Variants in GLP2R observed in about 807,000 individuals in gnomAD.
GLP2R encodes the protein glucagon like peptide 2 receptor.
In GLP2R, 59 loss-of-function variants were observed where a neutral mutation model predicts 68.2. The ratio of observed to expected loss-of-function variants is 0.87; its 90% confidence interval spans 0.70 to 1.07. The LOEUF (loss-of-function observed/expected upper bound fraction) is 1.07. Ranked by LOEUF, GLP2R falls within the 50% of genes least tolerant of loss-of-function variation. GLP2R has a pLI of 0.00. For synonymous variants in GLP2R, 270 were observed against 265.4 expected, an observed-to-expected ratio of 1.02 and a Z score of -0.17; for missense variants, 548 against 677.4, an observed-to-expected ratio of 0.81 and a Z score of 2.12.
At chr17:9,861,302 T>A in intron 8 of GLP2R, 103 bp downstream of exon 8, 1 of 800,390 alleles carries the variant, frequency 1.2e-6, no homozygotes, top group Non-Finnish European at 2.2e-6. Flanking sequence ...ATCTATCCCT[T>A]CTCATTTTGG....
chr17:9,871,010 A>G (rs1597397411), intron 10 of GLP2R, among the ~76,000 whole-genome samples, 175 bp downstream of exon 10: 1 of 152,158 alleles, frequency 6.6e-6, no homozygotes, highest in Admixed American at 6.5e-5. Context: ...AGGACCTTCT[A>G]TGACGATGAA....
At chr17:9,840,781 G>T (rs925583105) in intron 3 of GLP2R, among the ~76,000 whole-genome samples, 2 of 152,156 alleles carry the variant, frequency 1.3e-5, no homozygotes, top group African/African-American at 4.8e-5. Flanking sequence ...GGTTTTAGAG[G>T]GAGGGTGTTC....
intron 10 of GLP2R, among the ~76,000 whole-genome samples, chr17:9,873,972 C>A (rs532038446): frequency 3.7e-4 from 57 of 152,264 alleles, no homozygotes; most frequent in African/African-American, 1.3e-3. Flanking sequence ...TCTGATCACA[C>A]ATCTCTGTCA....
intron 3 of GLP2R, among the ~76,000 whole-genome samples, chr17:9,837,099 CCCGCCT>C (rs2066739229): frequency 6.6e-6 from 1 of 152,100 alleles, no homozygotes; most frequent in Non-Finnish European, 1.5e-5. Context: ...AGGTGATCCA[CCCGCCT>C]CCGCCTCCCA....
intron 10 of GLP2R, among the ~76,000 whole-genome samples, chr17:9,877,364 A>G (rs534266937): frequency 5.1e-4 from 77 of 152,324 alleles, no homozygotes; most frequent in Non-Finnish European, 1.6e-4. Flanking sequence ...AATAAGGTGA[A>G]GGGTAGACAA....
In GLP2R at chr17:9,862,026, G is replaced by GGACAACAAAT. The variant is rs752485448; in HGVS notation, c.994_1003dup (p.Gly335AspfsTer6). ...GCTTCTACTGTTGACCTTAGGTGCT[G>GGACAACAAAT]GACAACAAATGGGAATAAGAAAATC... On this transcript the variant is annotated frameshift_variant, in exon 9 of 13. Transcript: ENST00000262441. LOFTEE classifies it high-confidence loss of function. The GGACAACAAAT allele has an allele frequency of 6.2e-7, 1 of 1,612,086 alleles. No homozygotes were observed. The highest frequency in any genetic ancestry group is 8.5e-7 in the Non-Finnish European group (1 of 1,178,270).
At chr17:9,884,750 A>AT (rs1045878548) in intron 11 of GLP2R, among the ~76,000 whole-genome samples, 2 of 152,082 alleles carry the variant, frequency 1.3e-5, no homozygotes, top group South Asian at 2.1e-4. Flanking sequence ...TCCATAAGCA[A>AT]TTTTTTTCCC....
intron 3 of GLP2R, among the ~76,000 whole-genome samples, chr17:9,839,498 C>T (rs1252367983): frequency 1.3e-5 from 2 of 152,096 alleles, no homozygotes; most frequent in East Asian, 3.9e-4. Context: ...CAGTGGGTAG[C>T]CAGGTCTTCC....
In GLP2R at chr17:9,880,440, T is replaced by G; in HGVS notation, c.1208T>G (p.Phe403Cys). 6.3e-7 allele frequency: 1 copy of G among 1,599,096 alleles called. No homozygotes were observed. The highest frequency in any genetic ancestry group is 8.6e-7 in the Non-Finnish European group (1 of 1,167,932). ...GGCGTTCATGAGATCCTCTTCTCTT[T>G]CATCACTGATGATCAAGTTGAAGGA... ...LLGVHEILFS[F>C]ITDDQVEGFA... is the part of the protein sequence containing the mutation. The change falls in exon 11 of 13, where the codon TTC becomes TGC. Residue 403 changes from phenylalanine (F) to cysteine (C), a missense_variant. Coordinates refer to ENST00000262441, the MANE Select transcript of GLP2R (RefSeq NM_004246.3).
chr17:9,871,721 C>CTTT lies in GLP2R; in HGVS notation c.1145+906_1145+908dup, dbSNP rs372099240. On this transcript the variant is annotated intron_variant, in intron 10 of 12. Transcript: ENST00000262441. ...TTCCTAGTTATTCTTTACTTTCTTT[C>CTTT]TTTTTTTTTTTTTTTTTTTTTTGAC... Among the ~76,000 whole-genome samples, 68 of 102,298 alleles carry CTTT rather than the reference C, an allele frequency of 6.6e-4. 1 individual carries two copies. The highest frequency in any genetic ancestry group is 9.7e-4 in the Non-Finnish European group (52 of 53,770). The allele number at this position is 102,298 out of a possible 152,430, so 67.1% of individuals were successfully genotyped here.
rs1183942531 is a variant in GLP2R at position 9,828,388 on chromosome 17, T to C, written c.189+2136T>C. Among the ~76,000 whole-genome samples the C allele has an allele frequency of 5.9e-5, 9 of 152,240 alleles. 1 individual carries two copies. The highest frequency in any genetic ancestry group is 5.9e-4 in the Admixed American group (9 of 15,284). On this transcript the variant is annotated intron_variant, in intron 1 of 12. Transcript: ENST00000262441. The stretch of plus-strand genomic sequence containing the variant: ...GTTGGTTCAGAACATTCATCCTTGC[T>C]TCCATTCTCTGGATATCTCATATCA...
intron 4 of GLP2R, among the ~76,000 whole-genome samples, chr17:9,843,684 T>C (rs1282622899): frequency 6.6e-6 from 1 of 152,262 alleles, no homozygotes; most frequent in Admixed American, 6.5e-5. Context: ...GAGGACCTCC[T>C]GTTTGTCCAA....
At chr17:9,886,116 T>G (rs1169254338) in intron 11 of GLP2R, among the ~76,000 whole-genome samples, 1 of 152,192 alleles carries the variant, frequency 6.6e-6, no homozygotes, top group East Asian at 1.9e-4. Flanking sequence ...GGAACTACAC[T>G]TGGTGGATCA....
intron 11 of GLP2R, among the ~76,000 whole-genome samples, chr17:9,882,112 G>A (rs926584688): frequency 6.6e-6 from 1 of 151,928 alleles, no homozygotes; most frequent in African/African-American, 2.4e-5. Context: ...AACAGTGGGA[G>A]TCTATGTTAC....
intron 9 of GLP2R, 114 bp from the exon 10 acceptor site, chr17:9,870,633 G>A: frequency 1.4e-6 from 1 of 699,678 alleles, no homozygotes; most frequent in Non-Finnish European, 2.6e-6. Context: ...CTGCTGAATT[G>A]CCCCTGGTTT....
At chr17:9,841,417 G>A (rs151180979) in intron 3 of GLP2R, among the ~76,000 whole-genome samples, 9 of 152,082 alleles carry the variant, frequency 5.9e-5, no homozygotes, top group African/African-American at 9.7e-5. Context: ...CCCATCTCCC[G>A]GTGGGAGGTG....
At chr17:9,835,056 G>T in intron 2 of GLP2R, among the ~76,000 whole-genome samples, 1 of 123,558 alleles carries the variant, frequency 8.1e-6, no homozygotes, top group East Asian at 2.9e-4. Context: ...TTGAGACAGA[G>T]TCTCACTCTG....
At chr17:9,826,493 A>G (rs1567714605) in intron 1 of GLP2R, among the ~76,000 whole-genome samples, 1 of 152,124 alleles carries the variant, frequency 6.6e-6, no homozygotes, top group Non-Finnish European at 1.5e-5. Context: ...AGCATAAAAC[A>G]TGTTGTGTCC....
intron 4 of GLP2R, among the ~76,000 whole-genome samples, chr17:9,850,718 A>C (rs1439373231): frequency 4.5e-5 from 4 of 89,306 alleles, no homozygotes; most frequent in African/African-American, 8.6e-5. Flanking sequence ...TTGAGCCGGG[A>C]TCTCTCTCTC....
Sources: allele counts gnomAD v4.1 joint callset (sites outside exome capture counted in the v4.1 genomes callset), GRCh38; gene constraint gnomAD v4.1.1; transcripts MANE v1.5; gene names NCBI Gene and HGNC (gene_info 2026-07-23, HGNC 2026-07-21).